Variants in OGG1 observed in about 807,000 individuals in gnomAD.
OGG1 encodes 8-oxoguanine DNA glycosylase.
In OGG1, 35 loss-of-function variants were observed where a neutral mutation model predicts 42.3. The observed-to-expected ratio is 0.83, with a 90% CI of 0.63 to 1.10. OGG1 has a LOEUF of 1.10. Among genes scored for constraint, OGG1 ranks in the 50% least tolerant of loss-of-function variants. The probability of loss-of-function intolerance (pLI) is 0.00; values close to 1 mark genes in which losing one functional copy is unlikely to be tolerated. For synonymous variants in OGG1, 189 were observed against 179.0 expected, an observed-to-expected ratio of 1.06 and a Z score of -0.44; for missense variants, 484 against 446.7, an observed-to-expected ratio of 1.08 and a Z score of -0.75.
intron 3 of OGG1, among the ~76,000 whole-genome samples, chr3:9,786,235 G>A (rs551002103): frequency 9.9e-5 from 15 of 152,242 alleles, no homozygotes; most frequent in African/African-American, 1.9e-4. Context: ...CACCGCGCCC[G>A]GCCTCCTTGC....
intron 7 of OGG1, among the ~76,000 whole-genome samples, chr3:9,763,683 C>T (rs920847479): frequency 2.6e-5 from 4 of 152,178 alleles, no homozygotes; most frequent in African/African-American, 9.6e-5. Context: ...CAGCCTGATA[C>T]ATACCTCTTA....
chr3:9,781,298 C>T (rs1244819442), intron 2 of OGG1, among the ~76,000 whole-genome samples: 3 of 151,874 alleles, frequency 2.0e-5, no homozygotes, highest in Non-Finnish European at 2.9e-5. Context: ...TATATATATA[C>T]ATACACACAC....
intron 2 of OGG1, chr3:9,780,285 T>A: frequency 6.7e-7 from 1 of 1,487,546 alleles, no homozygotes; most frequent in East Asian, 2.3e-5. Context: ...ATGTTTCCTG[T>A]GCCCAAAGAA....
chr3:9,770,309 C>T (rs2078273466), downstream of OGG1, among the ~76,000 whole-genome samples: 1 of 152,156 alleles, frequency 6.6e-6, no homozygotes, highest in African/African-American at 2.4e-5. Flanking sequence ...AGTTCTGCGA[C>T]CTCCCTTAGG....
Position 9,750,150 on chromosome 3 carries a change from A to G in OGG1, c.-137A>G, listed in dbSNP as rs2077226439. 2 of 1,131,752 alleles carry G rather than the reference A, an allele frequency of 1.8e-6. No homozygotes were observed. The highest frequency in any genetic ancestry group is 2.4e-5 in the Admixed American group (1 of 42,340). 70.1% of individuals were successfully genotyped at this position (1,131,752 alleles called of 1,614,324 possible). A position where few individuals can be genotyped will look rare whatever the true frequency, so the allele number is the denominator to read the frequency against. On this transcript the variant is annotated 5_prime_UTR_variant, in exon 1 of 7. Transcript: ENST00000344629. ...GCAGGAGGTGGAGGAATTAAGTGAA[A>G]CAGGGAAGGTTGTTAAACAGCACCG...
intron 7 of OGG1, chr3:9,763,327 A>G: frequency 7.5e-7 from 1 of 1,336,360 alleles, no homozygotes; most frequent in Non-Finnish European, 1.0e-6. Flanking sequence ...CAGCAGTTCA[A>G]AGCTGCAGTC....
At chr3:9,780,532 A>G in intron 2 of OGG1, 1 of 1,601,114 alleles carries the variant, frequency 6.2e-7, no homozygotes, top group South Asian at 1.1e-5. Flanking sequence ...CTGCCGGCTC[A>G]CCTCCTCCTT....
intron 2 of OGG1, among the ~76,000 whole-genome samples, chr3:9,776,567 T>C (rs1334310977): frequency 6.6e-6 from 1 of 152,024 alleles, no homozygotes; most frequent in Admixed American, 6.6e-5. Context: ...TTTGTTGTAT[T>C]TTTAGTAGCG....
chr3:9,756,506 G>T lies in OGG1; in HGVS notation c.783G>T (p.Lys261Asn), dbSNP rs1379216619. Residue 261 changes from lysine (K) to asparagine (N), a missense_variant, in exon 5 of 7, where the codon AAG (lysine) becomes AAT (asparagine). Transcript: ENST00000344629. ...GCATCTGCCTGATGGCCCTAGACAA[G>T]CCCCAGGCTGTGCCCGTGGATGTCC... ...ADCICLMALD[K>N]PQAVPVDVHM... 3.7e-6 allele frequency: 6 copies of T among 1,613,998 alleles called. No individual in the cohort carries two copies. The highest frequency in any genetic ancestry group is 5.1e-6 in the Non-Finnish European group (6 of 1,180,040).
downstream of OGG1, chr3:9,759,603 C>T (rs758249202): frequency 1.9e-6 from 3 of 1,614,128 alleles, no homozygotes; most frequent in South Asian, 3.3e-5. Flanking sequence ...GGTGGGTTGC[C>T]TATGAGGGCA....
At position 9,788,039 on chromosome 3, in the gene OGG1, G is replaced by A. The variant is rs2078656330; in HGVS notation, c.*308G>A. On this transcript the variant is annotated 3_prime_UTR_variant, in exon 4 of 4. Transcript: ENST00000426518. Reference sequence around the variant, plus strand: ...CCGAGGAAAATGGAGAGGGGCACTGGAGCTGTGCCAGCAAGGACTGGGATG... The same window carrying A: ...CCGAGGAAAATGGAGAGGGGCACTGAAGCTGTGCCAGCAAGGACTGGGATG... 38 of 284,282 alleles carry A rather than the reference G, an allele frequency of 1.3e-4. 1 individual carries two copies. The highest frequency in any genetic ancestry group is 1.2e-3 in the South Asian group (37 of 29,770). The allele number at this position is 284,282 out of a possible 1,614,324, so 17.6% of individuals were successfully genotyped here. A position where few individuals can be genotyped will look rare whatever the true frequency, so the allele number is the denominator to read the frequency against.
At chr3:9,768,770 T>C (rs1407725627), downstream of OGG1, among the ~76,000 whole-genome samples, 1 of 152,156 alleles carries the variant, frequency 6.6e-6, no homozygotes, top group Non-Finnish European at 1.5e-5. Flanking sequence ...TCTCTTTTTC[T>C]CTAAGGGAGA....
At chr3:9,755,465 C>CTTTTTTT (rs60075191) in intron 4 of OGG1, among the ~76,000 whole-genome samples, 1 of 136,414 alleles carries the variant, frequency 7.3e-6, no homozygotes. Context: ...AGGCATTTGT[C>CTTTTTTT]TTTTTTTTTT....
At chr3:9,759,598 G>A (rs982289547), downstream of OGG1, 1 of 1,614,174 alleles carries the variant, frequency 6.2e-7, no homozygotes, top group Admixed American at 1.7e-5. Context: ...TATGTGGTGG[G>A]TTGCCTATGA....
chr3:9,772,540 C>A (rs1429423633), intron 2 of OGG1, among the ~76,000 whole-genome samples: 2 of 152,172 alleles, frequency 1.3e-5, no homozygotes, highest in Non-Finnish European at 2.9e-5. Flanking sequence ...CCAGAGTGAA[C>A]TTCTAGTTGG....
chr3:9,786,851 C>T (rs1296345726), intron 3 of OGG1, among the ~76,000 whole-genome samples: 2 of 152,174 alleles, frequency 1.3e-5, no homozygotes, highest in East Asian at 3.8e-4. Context: ...ATATTATTCC[C>T]AATCTTTTGC....
chr3:9,761,832 C>T, downstream of OGG1: 3 of 1,567,686 alleles, frequency 1.9e-6, no homozygotes, highest in Non-Finnish European at 2.6e-6. Flanking sequence ...CCGCTCCAAG[C>T]ACCTTCTGAG....
At chr3:9,787,794 GGA>G (rs1484426796) in exon 4 of OGG1, 34 of 1,055,804 alleles carry the variant, frequency 3.2e-5, no homozygotes, top group Non-Finnish European at 7.7e-6. Context: ...GCAGCACAAA[GGA>G]GAGACTGACT....
At chr3:9,772,934 C>T (rs566970057) in intron 2 of OGG1, among the ~76,000 whole-genome samples, 6 of 152,232 alleles carry the variant, frequency 3.9e-5, no homozygotes, top group Middle Eastern at 3.4e-3. Flanking sequence ...CCCCCAGTCC[C>T]GATGAGCACA....
Sources: gnomAD v4.1 joint callset for allele counts (sites outside exome capture counted in the v4.1 genomes callset) on GRCh38, gnomAD v4.1.1 for gene constraint, MANE v1.5 for transcripts, NCBI Gene and HGNC (gene_info 2026-07-23, HGNC 2026-07-21) for gene names.